DIP2C: variants seen among roughly 807,000 people sequenced by gnomAD.
The protein encoded by DIP2C is DIP2 acetate--CoA ligase C (putative).
A neutral mutation model predicts 192.4 loss-of-function variants in DIP2C; 33 were observed. That is an observed-to-expected ratio of 0.17 (90% CI 0.13 to 0.23). The LOEUF is 0.23. Ranked by LOEUF, DIP2C falls within the 10% of genes least tolerant of loss-of-function variation. The pLI is 1.00. For synonymous variants in DIP2C, 979 were observed against 864.1 expected (o/e 1.13, Z -2.33); for missense variants, 1,537 against 2,110.1 (o/e 0.73, Z 5.32).
intron 1 of DIP2C, among the ~76,000 whole-genome samples, chr10:616,586 C>T (rs371470710): frequency 2.0e-5 from 3 of 152,218 alleles, no homozygotes; most frequent in Non-Finnish European, 4.4e-5. Context: ...CCTCGCCCAG[C>T]CAGGGCTTCC....
chr10:576,474 C>T (rs1449113960), intron 1 of DIP2C, among the ~76,000 whole-genome samples: 1 of 152,258 alleles, frequency 6.6e-6, no homozygotes, highest in Non-Finnish European at 1.5e-5. Flanking sequence ...GGCATTCCTT[C>T]AGAAACAATG....
intron 4 of DIP2C, 44 bp from the exon 5 acceptor site, chr10:423,077 C>T (rs374241642): frequency 1.6e-5 from 25 of 1,522,580 alleles, no homozygotes; most frequent in African/African-American, 1.2e-4. Flanking sequence ...GCAGCAAAAA[C>T]GTGCACCACA....
chr10:594,342 C>G (rs1168554410), intron 1 of DIP2C, among the ~76,000 whole-genome samples: 1 of 152,196 alleles, frequency 6.6e-6, no homozygotes, highest in Non-Finnish European at 1.5e-5. Flanking sequence ...CCAAAATGAC[C>G]TGGCACGGCC....
Position 358,981 on chromosome 10 carries a change from C to T in DIP2C, c.2795-1044G>A, listed in dbSNP as rs576611102. Reference sequence around the variant, plus strand: ...CTATTAAATCAAATTCTTAAATTCCCGATAAAGGTCAAGTAACAGGTTTCT... The same window carrying T: ...CTATTAAATCAAATTCTTAAATTCCTGATAAAGGTCAAGTAACAGGTTTCT... On this transcript the variant is annotated intron_variant, in intron 22 of 36. Transcript: ENST00000280886. 6.6e-5 allele frequency among the ~76,000 whole-genome samples: 10 copies of T among 152,154 alleles called. No homozygotes were observed. In the South Asian group the frequency reaches 2.1e-3, roughly 32 times the overall value.
chr10:286,404 C>T lies in DIP2C; in HGVS notation c.4045-57G>A, dbSNP rs564145559. On this transcript the variant is annotated intron_variant, in intron 33 of 36. Transcript: ENST00000280886. ...GGGAGGAATACAGGGAGAGACTACACACAAGCCAACCTCAATCTCATCTTT... is the reference window on the plus strand; with the variant it reads ...GGGAGGAATACAGGGAGAGACTACATACAAGCCAACCTCAATCTCATCTTT... The T allele has an allele frequency of 2.7e-6, 4 of 1,480,124 alleles. No individual in the cohort carries two copies. The South Asian group carries it at 4.5e-5, about 17-fold the overall frequency. 91.7% of individuals were successfully genotyped at this position (1,480,124 alleles called of 1,614,324 possible). A position where few individuals can be genotyped will look rare whatever the true frequency, so the allele number is the denominator to read the frequency against.
intron 1 of DIP2C, among the ~76,000 whole-genome samples, chr10:567,304 T>C (rs1849517396): frequency 6.6e-6 from 1 of 152,168 alleles, no homozygotes; most frequent in East Asian, 1.9e-4. Context: ...TTCTCCTGCT[T>C]CAGCCTCCTG....
At chr10:420,036 G>A (rs1564689923) in intron 5 of DIP2C, among the ~76,000 whole-genome samples, 1 of 152,146 alleles carries the variant, frequency 6.6e-6, no homozygotes, top group Non-Finnish European at 1.5e-5. Flanking sequence ...GATGCGGATC[G>A]CGATCCTGAA....
At chr10:399,014 C>T (rs1964204311) in intron 10 of DIP2C, 95 bp downstream of exon 10, 7 of 1,089,518 alleles carry the variant, frequency 6.4e-6, no homozygotes, top group Non-Finnish European at 9.5e-6. Context: ...CCCAGGGCCC[C>T]AGAAACAGCG....
chr10:408,223 T>C (rs1218396219), intron 9 of DIP2C, among the ~76,000 whole-genome samples: 1 of 150,394 alleles, frequency 6.6e-6, no homozygotes, highest in Non-Finnish European at 1.5e-5. Flanking sequence ...GTTGAGTATC[T>C]TGGCACCTGT....
At chr10:323,641 T>A (rs1186703235) in intron 31 of DIP2C, among the ~76,000 whole-genome samples, 1 of 152,262 alleles carries the variant, frequency 6.6e-6, no homozygotes, top group Non-Finnish European at 1.5e-5. Context: ...ATCAAATGAT[T>A]AATTGTGATT....
chr10:544,387 CT>C (rs1848170171), intron 1 of DIP2C, among the ~76,000 whole-genome samples: 1 of 152,234 alleles, frequency 6.6e-6, no homozygotes, highest in Non-Finnish European at 1.5e-5. Flanking sequence ...AATAATGCTG[CT>C]ATGAAGATTC....
At chr10:672,058 CAG>C (rs1444542307) in intron 1 of DIP2C, among the ~76,000 whole-genome samples, 5 of 148,294 alleles carry the variant, frequency 3.4e-5, no homozygotes, top group Non-Finnish European at 5.9e-5. Context: ...CACAGACACA[CAG>C]ACGGAGGAAA....
At chr10:505,275 A>G (rs753020390) in intron 1 of DIP2C, among the ~76,000 whole-genome samples, 13 of 152,028 alleles carry the variant, frequency 8.6e-5, no homozygotes, top group Admixed American at 2.6e-4. Context: ...TCCCTCTACA[A>G]GGATATACAG....
chr10:376,640 G>T (rs551873031), intron 17 of DIP2C, among the ~76,000 whole-genome samples: 1 of 150,762 alleles, frequency 6.6e-6, no homozygotes, highest in Non-Finnish European at 1.5e-5. Context: ...TTAGATGGAC[G>T]TAAATCAGCC....
chr10:543,701 C>T (rs1366974914), intron 1 of DIP2C, among the ~76,000 whole-genome samples: 7 of 152,098 alleles, frequency 4.6e-5, no homozygotes, highest in South Asian at 2.1e-4. Context: ...CAGTCTCTTT[C>T]GCATTCTAAA....
At position 434,327 on chromosome 10, in the gene DIP2C, G is replaced by A. The variant is rs545503774; in HGVS notation, c.394+6544C>T. 3.3e-5 allele frequency among the ~76,000 whole-genome samples: 5 copies of A among 152,272 alleles called. No homozygotes were observed. The East Asian group carries it at 7.7e-4, about 24-fold the overall frequency. ...AAGGTCTTGCTCTGTTGCCCAGGGT[G>A]GAGTAGAGTGGCATCATTATAGCTC... On this transcript the variant is annotated intron_variant, in intron 4 of 36. Transcript: ENST00000280886.
chr10:673,648 G>A (rs1588744904), intron 1 of DIP2C, among the ~76,000 whole-genome samples: 2 of 152,138 alleles, frequency 1.3e-5, no homozygotes, highest in Admixed American at 6.6e-5. Context: ...CCTTCCCCAG[G>A]GAGCTATTCC....
rs77990165 is a variant in DIP2C, at chr10:426,201, A to G, written c.395-3168T>C. On this transcript the variant is annotated intron_variant, in intron 4 of 36. Transcript: ENST00000280886. ...GACACAAGATATACATATACTAGCA[A>G]TAAACAACCTGAGAATAAAGTTAAG... Among the ~76,000 whole-genome samples, 906 of 152,296 alleles carry G rather than the reference A, an allele frequency of 5.9e-3. 3 individuals carry two copies. The highest frequency in any genetic ancestry group is 0.013 in the East Asian group (70 of 5,188).
chr10:474,793 C>T (rs1271770362), intron 2 of DIP2C, among the ~76,000 whole-genome samples: 1 of 152,198 alleles, frequency 6.6e-6, no homozygotes, highest in Non-Finnish European at 1.5e-5. Context: ...CTTTCATTTC[C>T]ATTATTGGTG....
Sources: gnomAD v4.1 joint callset for allele counts (sites outside exome capture counted in the v4.1 genomes callset) on GRCh38, gnomAD v4.1.1 for gene constraint, MANE v1.5 for transcripts, NCBI Gene and HGNC (gene_info 2026-07-23, HGNC 2026-07-21) for gene names.